Variants in TMEM178A observed in about 807,000 individuals in gnomAD.
TMEM178A encodes transmembrane protein 178A, also known as transmembrane protein 178.
In TMEM178A, 12 loss-of-function variants were observed where a neutral mutation model predicts 29.1. The ratio of observed to expected loss-of-function variants is 0.41; its 90% CI spans 0.26 to 0.67. The LOEUF (loss-of-function observed/expected upper bound fraction) is 0.67, where lower values mean the gene tolerates loss of function less well. Ranked by LOEUF, TMEM178A falls within the 30% of genes least tolerant of loss-of-function variation. TMEM178A has a pLI of 0.29. For synonymous variants in TMEM178A, 210 were observed against 187.2 expected (o/e 1.12, Z -0.99); for missense variants, 366 against 419.1 (o/e 0.87, Z 1.11).
chr2:39,675,488 CAG>C (rs1286488270), intron 1 of TMEM178A, among the ~76,000 whole-genome samples: 1 of 152,132 alleles, frequency 6.6e-6, no homozygotes, highest in Admixed American at 6.5e-5. Context: ...AGGCGTGAAA[CAG>C]AGTAGTTCCC....
At chr2:39,707,647 T>C (rs566571368) in intron 3 of TMEM178A, among the ~76,000 whole-genome samples, 1 of 152,218 alleles carries the variant, frequency 6.6e-6, no homozygotes, top group African/African-American at 2.4e-5. Flanking sequence ...AATTTTTGTA[T>C]TTTTAGTAGG....
rs761016291 is a variant in TMEM178A, at chr2:39,666,358, C to G, written c.384C>G (p.Asp128Glu). 1 of 1,425,162 alleles carries G rather than the reference C, an allele frequency of 7.0e-7. No homozygotes were observed. Among genetic ancestry groups the G allele is most frequent in the Non-Finnish European group, 9.2e-7 (1 of 1,086,368 alleles). The allele number at this position is 1,425,162 out of a possible 1,614,324, so 88.3% of individuals were successfully genotyped here. ...CYFLGIDRDI[D>E]TLILKGIAQR... ...TCCTGGGCATCGACCGGGACATCGA[C>G]ACCCTCATCCTGAAAGGTGAGCGGC... Residue 128 changes from aspartate (D) to glutamate (E), a missense_variant, in exon 1 of 4, where the codon GAC becomes GAG. This residue lies in a region of TMEM178A where 247 missense variants were observed against 246.8 expected (regional missense o/e 1.00). Transcript: ENST00000281961.
At chr2:39,670,888 TTA>T (rs1453244799) in intron 1 of TMEM178A, among the ~76,000 whole-genome samples, 1 of 152,220 alleles carries the variant, frequency 6.6e-6, no homozygotes, top group Admixed American at 6.5e-5. Flanking sequence ...TTATTTTCTA[TTA>T]TATATACTTT....
chr2:39,684,330 T>C (rs995369328), intron 1 of TMEM178A, among the ~76,000 whole-genome samples: 1 of 152,182 alleles, frequency 6.6e-6, no homozygotes, highest in African/African-American at 2.4e-5. Flanking sequence ...TTGTGATAAA[T>C]GCAGAAAACT....
chr2:39,672,483 C>T (rs1670445771), intron 1 of TMEM178A, among the ~76,000 whole-genome samples: 1 of 152,130 alleles, frequency 6.6e-6, no homozygotes, highest in African/African-American at 2.4e-5. Context: ...GCCCTCGAAC[C>T]CCATCAGGCA....
downstream of TMEM178A, among the ~76,000 whole-genome samples, chr2:39,718,745 T>C (rs191429992): frequency 1.3e-5 from 2 of 152,184 alleles, no homozygotes; most frequent in East Asian, 1.9e-4. Flanking sequence ...AATTCTTCCG[T>C]TGTGTTTGCT....
chr2:39,667,644 T>C (rs1002839376), intron 1 of TMEM178A, among the ~76,000 whole-genome samples: 7 of 152,242 alleles, frequency 4.6e-5, no homozygotes, highest in Non-Finnish European at 1.0e-4. Flanking sequence ...TCTTGCTAGT[T>C]GGCGGATTCT....
chr2:39,678,097 TA>T (rs1670706652), intron 1 of TMEM178A, among the ~76,000 whole-genome samples: 1 of 152,214 alleles, frequency 6.6e-6, no homozygotes, highest in Non-Finnish European at 1.5e-5. Context: ...CTTGTTTCCT[TA>T]AATATCCATT....
intron 3 of TMEM178A, among the ~76,000 whole-genome samples, chr2:39,710,103 C>T (rs953925192): frequency 2.0e-5 from 3 of 152,108 alleles, no homozygotes; most frequent in African/African-American, 7.2e-5. Context: ...TACCTCTGGA[C>T]CAGAGGAGCT....
At chr2:39,688,768 T>C (rs1322106834) in intron 1 of TMEM178A, among the ~76,000 whole-genome samples, 4 of 152,234 alleles carry the variant, frequency 2.6e-5, no homozygotes, top group African/African-American at 9.6e-5. Flanking sequence ...CAATTATCTG[T>C]AAAAATTCAG....
chr2:39,728,413 A>T, the TMEM178A span, among the ~76,000 whole-genome samples: 1 of 152,158 alleles, frequency 6.6e-6, no homozygotes, highest in African/African-American at 2.4e-5. Context: ...ATCTACAGGC[A>T]TTTATTTATT....
downstream of TMEM178A, among the ~76,000 whole-genome samples, chr2:39,719,788 G>A (rs571046988): frequency 6.8e-4 from 103 of 152,082 alleles, no homozygotes; most frequent in Middle Eastern, 3.4e-3. Flanking sequence ...GTCCATTCTC[G>A]GGGAAGCCTC....
intron 2 of TMEM178A, among the ~76,000 whole-genome samples, chr2:39,706,824 C>T (rs548181605): frequency 2.0e-5 from 3 of 152,318 alleles, no homozygotes; most frequent in Middle Eastern, 3.4e-3. Flanking sequence ...TGGACTTCTC[C>T]ACGGACTCAG....
chr2:39,724,472 A>G, the TMEM178A span, among the ~76,000 whole-genome samples: 2 of 152,306 alleles, frequency 1.3e-5, no homozygotes, highest in South Asian at 4.1e-4. Flanking sequence ...CCTTTATCCA[A>G]GTTGAATGTG....
At chr2:39,671,616 A>G (rs1339911777) in intron 1 of TMEM178A, among the ~76,000 whole-genome samples, 1 of 152,180 alleles carries the variant, frequency 6.6e-6, no homozygotes, top group Admixed American at 6.5e-5. Flanking sequence ...TCACTCTGTG[A>G]TTTATGTTTA....
At chr2:39,686,987 G>A (rs1015640419) in intron 1 of TMEM178A, among the ~76,000 whole-genome samples, 1 of 149,982 alleles carries the variant, frequency 6.7e-6, no homozygotes. Context: ...GTGTGTGTGT[G>A]TGTGTGTGTG....
At chr2:39,730,681 G>A in the TMEM178A span, among the ~76,000 whole-genome samples, 1 of 152,184 alleles carries the variant, frequency 6.6e-6, no homozygotes, top group African/African-American at 2.4e-5. Flanking sequence ...TGGATGGTAT[G>A]GAATATGTCT....
chr2:39,712,414 A>G (rs1672350932), intron 3 of TMEM178A, among the ~76,000 whole-genome samples: 1 of 152,164 alleles, frequency 6.6e-6, no homozygotes, highest in Non-Finnish European at 1.5e-5. Context: ...ATTTTAGGGT[A>G]GGAAATTAGG....
chr2:39,732,138 T>C, the TMEM178A span, among the ~76,000 whole-genome samples: 2 of 152,308 alleles, frequency 1.3e-5, no homozygotes, highest in East Asian at 1.9e-4. Context: ...AAGTGTATAA[T>C]GTGGACTACT....
Sources: allele counts gnomAD v4.1 joint callset (sites outside exome capture counted in the v4.1 genomes callset), GRCh38; gene constraint gnomAD v4.1.1; regional missense constraint gnomAD v4.1.1; transcripts MANE v1.5; gene names NCBI Gene and HGNC (gene_info 2026-07-23, HGNC 2026-07-21).